Variants in TFB1M observed in about 807,000 individuals in gnomAD.
TFB1M encodes dimethyladenosine transferase 1, mitochondrial.
A neutral mutation model predicts 31.1 loss-of-function variants in TFB1M; 27 were observed. That is an observed-to-expected ratio of 0.87 (90% CI 0.64 to 1.20). The LOEUF is 1.20. Ranked by LOEUF, TFB1M falls within the 50% of genes most tolerant of loss-of-function variation. The pLI is 0.00. For missense variants in TFB1M, 394 were observed against 418.7 expected (o/e 0.94, Z 0.51); for synonymous variants, 166 against 151.8 (o/e 1.09, Z -0.69).
chr6:155,254,833 G>T, downstream of TFB1M: 1 of 425,358 alleles, frequency 2.4e-6, no homozygotes. Context: ...ACTAAGATGT[G>T]CATGGGTCCA....
the TFB1M span, chr6:155,240,545 A>G: frequency 6.2e-7 from 1 of 1,613,692 alleles, no homozygotes; most frequent in African/African-American, 1.3e-5. Flanking sequence ...TGAGCAGATC[A>G]CTGCACTGTG....
At chr6:155,305,878 T>C (rs1056218591) in intron 2 of TFB1M, among the ~76,000 whole-genome samples, 1 of 148,552 alleles carries the variant, frequency 6.7e-6, no homozygotes, top group African/African-American at 2.5e-5. Flanking sequence ...TTGCACTTCA[T>C]AAACATGAAA....
chr6:155,239,750 T>G, the TFB1M span, among the ~76,000 whole-genome samples: 1 of 152,166 alleles, frequency 6.6e-6, no homozygotes, highest in East Asian at 1.9e-4. Context: ...GGCCTGGCCC[T>G]GGCTCCCTGC....
chr6:155,257,076 C>T lies in TFB1M; in HGVS notation c.*760G>A, dbSNP rs775125166. The T allele has an allele frequency of 1.9e-6, 3 of 1,612,594 alleles. No individual in the cohort carries two copies. The highest frequency in any genetic ancestry group is 2.2e-5 in the South Asian group (2 of 91,048). On this transcript the variant is annotated 3_prime_UTR_variant, in exon 7 of 7. Coordinates refer to ENST00000367166, the MANE Select transcript of TFB1M (RefSeq NM_016020.4). ...GTGTCCAGAGTTTAACATCTGTTGT[C>T]AGTGAGGAGTGTTTTTATGAAACAG...
chr6:155,251,726 A>C (rs1453396056), downstream of TFB1M, among the ~76,000 whole-genome samples: 2 of 152,266 alleles, frequency 1.3e-5, no homozygotes, highest in African/African-American at 4.8e-5. Context: ...AAAAAAGCCA[A>C]GATCAACTTC....
At chr6:155,245,755 G>GTT in the TFB1M span, 251,473 of 1,008,102 alleles carry the variant, frequency 0.25, 10,782 homozygotes, top group East Asian at 0.45. Flanking sequence ...GCCTTTTATA[G>GTT]TTTTTTTTTT....
At chr6:155,249,348 G>C in the TFB1M span, among the ~76,000 whole-genome samples, 1 of 152,198 alleles carries the variant, frequency 6.6e-6, no homozygotes, top group South Asian at 2.1e-4. Flanking sequence ...CTAGATCCGG[G>C]TTCCCAGAAG....
At chr6:155,271,123 A>G (rs747672177) in intron 5 of TFB1M, among the ~76,000 whole-genome samples, 21 of 152,236 alleles carry the variant, frequency 1.4e-4, no homozygotes, top group African/African-American at 5.1e-4. Context: ...GTGTTTGTTT[A>G]TTTACTACTT....
intron 2 of TFB1M, among the ~76,000 whole-genome samples, chr6:155,308,478 A>C (rs1777881235): frequency 6.6e-6 from 1 of 152,214 alleles, no homozygotes; most frequent in South Asian, 2.1e-4. Context: ...CTGAATCCTC[A>C]TATGAGTCCT....
the TFB1M span, among the ~76,000 whole-genome samples, chr6:155,233,395 A>G: frequency 9.9e-5 from 15 of 152,150 alleles, no homozygotes; most frequent in African/African-American, 3.6e-4. Flanking sequence ...CATCTGAGTG[A>G]CTCAGAGCTT....
chr6:155,252,109 A>G, downstream of TFB1M: 1 of 814,234 alleles, frequency 1.2e-6, no homozygotes, highest in Non-Finnish European at 2.0e-6. Flanking sequence ...GCTGACTGAT[A>G]CTGCTTACTC....
intron 6 of TFB1M, among the ~76,000 whole-genome samples, chr6:155,259,268 G>C (rs1386782478): frequency 1.3e-5 from 2 of 152,196 alleles, no homozygotes; most frequent in Admixed American, 1.3e-4. Context: ...CAGCCAAAAT[G>C]GCTGGCCAGT....
At chr6:155,285,884 C>G (rs1238742337) in intron 4 of TFB1M, among the ~76,000 whole-genome samples, 2 of 152,018 alleles carry the variant, frequency 1.3e-5, no homozygotes, top group African/African-American at 4.8e-5. Flanking sequence ...AATGCAATTT[C>G]AATTAAAAGT....
At chr6:155,262,063 C>G (rs985920077) in intron 5 of TFB1M, among the ~76,000 whole-genome samples, 1 of 152,150 alleles carries the variant, frequency 6.6e-6, no homozygotes, top group African/African-American at 2.4e-5. Flanking sequence ...TAACAAAACG[C>G]ACCATAGAAC....
the TFB1M span, chr6:155,244,198 G>A: frequency 1.0e-6 from 1 of 982,350 alleles, no homozygotes; most frequent in Non-Finnish European, 1.6e-6. Flanking sequence ...AAGACTTAAC[G>A]GTCTTCTGAG....
chr6:155,256,818 A>G lies in TFB1M; in HGVS notation c.*1018T>C. On this transcript the variant is annotated 3_prime_UTR_variant, in exon 7 of 7. Transcript: ENST00000367166. ...AGAGACTGAGGATTTCCGAGGACCCAGACGTTCACCCCGAGGCTGAGCAGC... is the reference window on the plus strand; with the variant it reads ...AGAGACTGAGGATTTCCGAGGACCCGGACGTTCACCCCGAGGCTGAGCAGC... 4 of 1,614,180 alleles carry G rather than the reference A, an allele frequency of 2.5e-6. No individual in the cohort carries two copies. Among genetic ancestry groups the G allele is most frequent in the Non-Finnish European group, 3.4e-6 (4 of 1,180,042 alleles).
chr6:155,250,835 G>A, the TFB1M span: 1 of 1,409,868 alleles, frequency 7.1e-7, no homozygotes, highest in Non-Finnish European at 1.0e-6. Flanking sequence ...CAATGACTGT[G>A]TGTACATCAC....
intron 5 of TFB1M, chr6:155,276,481 T>G (rs1785227983): frequency 1.8e-6 from 2 of 1,089,680 alleles, no homozygotes; most frequent in Admixed American, 2.8e-5. Flanking sequence ...ACAAAGAAAG[T>G]AGAATGTAAA....
intron 2 of TFB1M, among the ~76,000 whole-genome samples, chr6:155,309,756 CT>C (rs1285644311): frequency 6.6e-6 from 1 of 152,146 alleles, no homozygotes; most frequent in Non-Finnish European, 1.5e-5. Context: ...TATTTAGTTT[CT>C]TTTTATAATC....
Sources: allele counts gnomAD v4.1 joint callset (sites outside exome capture counted in the v4.1 genomes callset), GRCh38; gene constraint gnomAD v4.1.1; transcripts MANE v1.5; gene names NCBI Gene and HGNC (gene_info 2026-07-23, HGNC 2026-07-21).